The following MYO3B variants were observed in gnomAD, a reference collection of about 807,000 sequenced individuals.
MYO3B encodes myosin-IIIb.
A neutral mutation model predicts 174.6 loss-of-function variants in MYO3B; 156 were observed. That is an observed-to-expected ratio of 0.89 (90% CI 0.78 to 1.02). The LOEUF is 1.02. Ranked by LOEUF, MYO3B falls within the 50% of genes least tolerant of loss-of-function variation. The pLI is 0.00. For synonymous variants in MYO3B, 563 were observed against 569.1 expected, an observed-to-expected ratio of 0.99 and a Z score of 0.15; for missense variants, 1,632 against 1,639.4, an observed-to-expected ratio of 1.00 and a Z score of 0.08.
intron 21 of MYO3B, among the ~76,000 whole-genome samples, chr2:170,406,716 G>C (rs573134784): frequency 2.0e-5 from 3 of 151,954 alleles, no homozygotes; most frequent in South Asian, 2.1e-4. Context: ...CTTGATTTTA[G>C]GGGAAAAACT....
intron 30 of MYO3B, among the ~76,000 whole-genome samples, chr2:170,540,424 T>C (rs1429471402): frequency 2.6e-5 from 4 of 152,152 alleles, no homozygotes; most frequent in Admixed American, 1.3e-4. Context: ...GGCTTTTTTT[T>C]CTTTCTTTTT....
At chr2:170,525,483 G>A (rs1476251755) in intron 30 of MYO3B, among the ~76,000 whole-genome samples, 1 of 152,182 alleles carries the variant, frequency 6.6e-6, no homozygotes, top group African/African-American at 2.4e-5. Context: ...AGCACAGCTA[G>A]CCTGTTTTTG....
chr2:170,368,298 A>G (rs2094213237), intron 8 of MYO3B, among the ~76,000 whole-genome samples: 1 of 152,208 alleles, frequency 6.6e-6, no homozygotes, highest in African/African-American at 2.4e-5. Context: ...TAAGCCTCCA[A>G]TGTGGGCTTA....
chr2:170,423,338 A>G (rs1046715829), intron 22 of MYO3B, among the ~76,000 whole-genome samples: 4 of 152,100 alleles, frequency 2.6e-5, no homozygotes, highest in African/African-American at 4.8e-5. Context: ...GCATGACTGC[A>G]GAGGATCGCT....
intron 23 of MYO3B, among the ~76,000 whole-genome samples, chr2:170,454,156 A>G (rs927910430): frequency 1.3e-5 from 2 of 152,204 alleles, no homozygotes; most frequent in South Asian, 2.1e-4. Context: ...TTCCTTCCAA[A>G]CTAACCTCCT....
intron 22 of MYO3B, among the ~76,000 whole-genome samples, chr2:170,428,988 C>G (rs2094687124): frequency 6.6e-6 from 1 of 152,196 alleles, no homozygotes; most frequent in East Asian, 1.9e-4. Context: ...GTTATAGTTC[C>G]AAGCACTGAA....
chr2:170,219,831 T>C (rs932893937), intron 6 of MYO3B, among the ~76,000 whole-genome samples: 4 of 152,212 alleles, frequency 2.6e-5, no homozygotes, highest in African/African-American at 9.6e-5. Context: ...ATATTTGGGG[T>C]GATATAACAC....
intron 22 of MYO3B, among the ~76,000 whole-genome samples, chr2:170,413,752 TC>T (rs1159975987): frequency 2.0e-5 from 3 of 151,298 alleles, no homozygotes; most frequent in Non-Finnish European, 3.0e-5. Flanking sequence ...GAAATAACTA[TC>T]CTTAGGCCGG....
At chr2:170,342,490 ATAGT>A (rs1411444256) in intron 8 of MYO3B, 1 of 152,122 alleles carries the variant, frequency 6.6e-6, no homozygotes, top group Admixed American at 6.5e-5. Context: ...GAGCTGTGCT[ATAGT>A]GTGTGTATCC....
At chr2:170,490,434 A>C (rs1686394718) in intron 25 of MYO3B, among the ~76,000 whole-genome samples, 1 of 152,182 alleles carries the variant, frequency 6.6e-6, no homozygotes, top group African/African-American at 2.4e-5. Flanking sequence ...TAGTTATGGT[A>C]GCTTTTTCGT....
intron 7 of MYO3B, among the ~76,000 whole-genome samples, chr2:170,256,006 C>G (rs759757360): frequency 3.9e-5 from 6 of 152,124 alleles, no homozygotes; most frequent in Non-Finnish European, 8.8e-5. Flanking sequence ...ACAGTGGAAG[C>G]CTGAACAACA....
chr2:170,199,507 A>G (rs1478609618), intron 2 of MYO3B, 116 bp downstream of exon 2: 2 of 816,150 alleles, frequency 2.5e-6, no homozygotes, highest in East Asian at 5.5e-5. Context: ...AAATCTCAAA[A>G]TGGGTCATGA....
intron 22 of MYO3B, among the ~76,000 whole-genome samples, chr2:170,422,776 C>T (rs1482613531): frequency 1.3e-5 from 2 of 151,780 alleles, no homozygotes; most frequent in Admixed American, 1.3e-4. Flanking sequence ...TTTAATTAGC[C>T]ACATTTTAAA....
intron 32 of MYO3B, among the ~76,000 whole-genome samples, chr2:170,645,542 C>G (rs144962098): frequency 2.0e-5 from 3 of 149,254 alleles, no homozygotes; most frequent in Non-Finnish European, 1.5e-5. Context: ...ACTAATCAAA[C>G]GAACTAGGTA....
intron 32 of MYO3B, among the ~76,000 whole-genome samples, chr2:170,548,796 G>A (rs2106219724): frequency 6.6e-6 from 1 of 152,248 alleles, no homozygotes; most frequent in Middle Eastern, 3.4e-3. Context: ...AATATGAAAT[G>A]GGGCCACCTA....
Position 170,570,642 on chromosome 2 carries a change from G to A in MYO3B, c.3733+26654G>A, listed in dbSNP as rs183420488. ...AAGACACGTAACTGTGCTTTTTGGC[G>A]GTTTTCCTTGATCATTATTGTAAGG... On this transcript the variant is annotated intron_variant, in intron 32 of 34. Coordinates refer to ENST00000408978, the MANE Select transcript of MYO3B (RefSeq NM_138995.5). Among the ~76,000 whole-genome samples the A allele has an allele frequency of 1.4e-3, 206 of 152,210 alleles. 1 individual carries two copies. The highest frequency in any genetic ancestry group is 4.6e-3 in the African/African-American group (193 of 41,542).
intron 8 of MYO3B, among the ~76,000 whole-genome samples, chr2:170,365,124 C>G (rs1185517154): frequency 1.3e-5 from 2 of 152,176 alleles, no homozygotes; most frequent in Non-Finnish European, 2.9e-5. Flanking sequence ...TTCCCTCTGG[C>G]CGCGAAGTAT....
At chr2:170,564,753 T>G (rs1048930610) in intron 32 of MYO3B, among the ~76,000 whole-genome samples, 14 of 152,100 alleles carry the variant, frequency 9.2e-5, no homozygotes, top group Non-Finnish European at 1.5e-4. Flanking sequence ...AGAGAACAAG[T>G]AAATAAATTC....
intron 32 of MYO3B, among the ~76,000 whole-genome samples, chr2:170,639,168 A>G (rs1328357360): frequency 6.6e-6 from 1 of 152,180 alleles, no homozygotes; most frequent in South Asian, 2.1e-4. Flanking sequence ...TTCCATTTTT[A>G]TCTGCTTTTA....
Sources: allele counts gnomAD v4.1 joint callset (sites outside exome capture counted in the v4.1 genomes callset), GRCh38; gene constraint gnomAD v4.1.1; transcripts MANE v1.5; gene names NCBI Gene and HGNC (gene_info 2026-07-23, HGNC 2026-07-21).